The following FRMD4B variants were observed in gnomAD, a reference collection of about 807,000 sequenced individuals.
The protein encoded by FRMD4B is FERM domain containing 4B.
In FRMD4B, 74 loss-of-function variants were observed where a neutral mutation model predicts 141.5. That is an observed-to-expected ratio of 0.52 (90% CI 0.43 to 0.63). FRMD4B has a LOEUF of 0.63. Ranked by LOEUF, FRMD4B falls within the 30% of genes least tolerant of loss-of-function variation. The probability of loss-of-function intolerance (pLI) is 0.00; values close to 1 mark genes in which losing one functional copy is unlikely to be tolerated. For synonymous variants in FRMD4B, 506 were observed against 467.9 expected, an observed-to-expected ratio of 1.08 and a Z score of -1.05; for missense variants, 1,366 against 1,253.4, an observed-to-expected ratio of 1.09 and a Z score of -1.36.
At chr3:69,236,305 T>G (rs1039257797) in intron 7 of FRMD4B, among the ~76,000 whole-genome samples, 2 of 150,296 alleles carry the variant, frequency 1.3e-5, no homozygotes, top group African/African-American at 2.4e-5. Context: ...CTCAGCTCAC[T>G]GCAAGCTCCG....
intron 2 of FRMD4B, among the ~76,000 whole-genome samples, chr3:69,312,978 A>G (rs1701652025): frequency 6.6e-6 from 1 of 152,236 alleles, no homozygotes; most frequent in Non-Finnish European, 1.5e-5. Flanking sequence ...ATCTAGCTTG[A>G]TTTTTAACCA....
intron 4 of FRMD4B, 143 bp from the exon 5 acceptor site, chr3:69,287,979 G>A: frequency 3.4e-6 from 2 of 583,826 alleles, no homozygotes; most frequent in South Asian, 4.4e-5. Flanking sequence ...AAAGAAATAT[G>A]CACCGCACGT....
At chr3:69,420,450 G>A (rs1015366940) in intron 2 of FRMD4B, among the ~76,000 whole-genome samples, 2 of 152,024 alleles carry the variant, frequency 1.3e-5, no homozygotes, top group African/African-American at 4.8e-5. Context: ...AAAAATTCAG[G>A]CTCAGGAGGT....
chr3:69,426,746 C>T (rs1028328761), intron 2 of FRMD4B, among the ~76,000 whole-genome samples: 3 of 152,050 alleles, frequency 2.0e-5, no homozygotes, highest in Non-Finnish European at 4.4e-5. Context: ...TAATTTTAAC[C>T]GTGAAAACAC....
chr3:69,367,404 A>G (rs1306045383), intron 1 of FRMD4B, among the ~76,000 whole-genome samples: 1 of 152,166 alleles, frequency 6.6e-6, no homozygotes, highest in South Asian at 2.1e-4. Context: ...ATACATGAAC[A>G]CATACATACA....
chr3:69,233,078 A>G (rs2093321634), intron 7 of FRMD4B, among the ~76,000 whole-genome samples: 1 of 151,870 alleles, frequency 6.6e-6, no homozygotes, highest in Non-Finnish European at 1.5e-5. Context: ...TCTCCAAGCA[A>G]AGCGCTTCCT....
chr3:69,244,454 A>G (rs763898437), intron 7 of FRMD4B, among the ~76,000 whole-genome samples: 4 of 152,164 alleles, frequency 2.6e-5, no homozygotes, highest in Non-Finnish European at 5.9e-5. Flanking sequence ...TTGGGGACAT[A>G]TTTTGGTCAA....
chr3:69,472,226 A>T, intron 1 of FRMD4B: 1 of 306,960 alleles, frequency 3.3e-6, no homozygotes, highest in South Asian at 3.8e-5. Context: ...TTGTGACTAA[A>T]ATGAGAGACT....
At chr3:69,436,892 T>C (rs1705269301) in intron 1 of FRMD4B, among the ~76,000 whole-genome samples, 1 of 152,202 alleles carries the variant, frequency 6.6e-6, no homozygotes, top group Non-Finnish European at 1.5e-5. Context: ...GTGATTAGTA[T>C]CTAGAATAGT....
rs1701017738 is a variant in FRMD4B, at chr3:69,532,211, A to G, written c.-129+9995T>C. Among the ~76,000 whole-genome samples, 3 of 152,224 alleles carry G rather than the reference A, an allele frequency of 2.0e-5. No homozygotes were observed. The South Asian group carries it at 6.2e-4, about 31-fold the overall frequency. On this transcript the variant is annotated intron_variant, in intron 1 of 5. Coordinates refer to the FRMD4B transcript ENST00000459638. ...ACCCTTATCTTTTCTGATTTACTGA[A>G]TAAGCCACACTCTCTTAATGTTTTG... is the stretch of plus-strand genomic sequence containing the variant.
chr3:69,503,880 AAC>A (rs1398375365), intron 1 of FRMD4B, among the ~76,000 whole-genome samples: 1 of 152,188 alleles, frequency 6.6e-6, no homozygotes, highest in Non-Finnish European at 1.5e-5. Context: ...GTAAAATGAT[AAC>A]AGTTACTAGT....
chr3:69,335,732 GTTTTT>G (rs34854483), intron 1 of FRMD4B, among the ~76,000 whole-genome samples: 9 of 137,762 alleles, frequency 6.5e-5, no homozygotes, highest in South Asian at 2.3e-4. Flanking sequence ...GCAGGACTGA[GTTTTT>G]TTTTTTTTTT....
Position 69,181,685 on chromosome 3 carries a change from G to A in FRMD4B, c.2065C>T (p.Arg689Cys), listed in dbSNP as rs780396995. 3.2e-5 allele frequency: 51 copies of A among 1,612,590 alleles called. No individual in the cohort carries two copies. The highest frequency in any genetic ancestry group is 1.7e-4 in the Middle Eastern group (1 of 5,932). Residue 689 changes from arginine to cysteine, a missense_variant, in exon 21 of 23, where the codon CGC (arginine) becomes TGC (cysteine). Arg to Cys is a radical substitution (Grantham distance 180, BLOSUM62 -3). Transcript: ENST00000398540. Reference protein sequence around the residue: ...LEPESSSQHCRQRSGSLESQS... With the variant: ...LEPESSSQHCCQRSGSLESQS... ...GACTCCAGGCTTCCACTCCGCTGGC[G>A]GCAGTGCTGAGATGAAGATTCGGGT...
intron 1 of FRMD4B, chr3:69,471,940 C>G (rs1020551987): frequency 6.4e-6 from 1 of 155,774 alleles, no homozygotes; most frequent in African/African-American, 2.4e-5. Context: ...TCTATAGATT[C>G]CTTTGGGGGC....
intron 5 of FRMD4B, among the ~76,000 whole-genome samples, chr3:69,284,794 A>G (rs1303676727): frequency 6.6e-6 from 1 of 152,212 alleles, no homozygotes; most frequent in Non-Finnish European, 1.5e-5. Flanking sequence ...TATTATAACT[A>G]TATTTAATAT....
intron 1 of FRMD4B, among the ~76,000 whole-genome samples, chr3:69,439,621 G>C (rs544369736): frequency 6.6e-6 from 1 of 152,314 alleles, no homozygotes; most frequent in South Asian, 2.1e-4. Flanking sequence ...CTGTCCCGAA[G>C]TAGAATCTTT....
chr3:69,477,080 C>G (rs1706014856), intron 1 of FRMD4B, among the ~76,000 whole-genome samples: 1 of 152,158 alleles, frequency 6.6e-6, no homozygotes, highest in African/African-American at 2.4e-5. Context: ...GCTGAGGTTG[C>G]TTACCAGCTT....
At chr3:69,362,134 A>G (rs1375174470) in intron 1 of FRMD4B, among the ~76,000 whole-genome samples, 1 of 152,220 alleles carries the variant, frequency 6.6e-6, no homozygotes, top group African/African-American at 2.4e-5. Flanking sequence ...AATAATAACA[A>G]GCACTTATAT....
At chr3:69,470,307 T>A (rs1417633416) in intron 1 of FRMD4B, among the ~76,000 whole-genome samples, 1 of 152,204 alleles carries the variant, frequency 6.6e-6, no homozygotes, top group Non-Finnish European at 1.5e-5. Context: ...TGGAAGGGGA[T>A]ACTAAAACGT....
Sources: allele counts gnomAD v4.1 joint callset (sites outside exome capture counted in the v4.1 genomes callset), GRCh38; gene constraint gnomAD v4.1.1; transcripts MANE v1.5; gene names NCBI Gene and HGNC (gene_info 2026-07-23, HGNC 2026-07-21).